SH3GL2: variants seen among roughly 807,000 people sequenced by gnomAD.
The protein encoded by SH3GL2 is endophilin-A1.
In SH3GL2, 24 loss-of-function variants were observed where a neutral mutation model predicts 46.0. The observed-to-expected ratio is 0.52, with a 90% CI of 0.38 to 0.73. SH3GL2 has a LOEUF of 0.73. SH3GL2 is among the 30% of genes least tolerant of loss of function. SH3GL2 has a pLI of 0.00. For missense variants in SH3GL2, 413 were observed against 424.2 expected, an observed-to-expected ratio of 0.97 and a Z score of 0.23; for synonymous variants, 196 against 147.1, an observed-to-expected ratio of 1.33 and a Z score of -2.40.
At chr9:17,739,475 A>G (rs539466181) in intron 1 of SH3GL2, among the ~76,000 whole-genome samples, 15 of 152,216 alleles carry the variant, frequency 9.9e-5, no homozygotes, top group African/African-American at 3.1e-4. Flanking sequence ...GCAGTGGACT[A>G]TGAAAATGTA....
intron 1 of SH3GL2, among the ~76,000 whole-genome samples, chr9:17,708,275 C>T (rs1321462780): frequency 2.0e-5 from 3 of 151,882 alleles, no homozygotes; most frequent in African/African-American, 7.3e-5. Flanking sequence ...CAGTCTCACT[C>T]GTATTTGTGT....
chr9:17,630,121 T>C (rs2134621927), intron 1 of SH3GL2, among the ~76,000 whole-genome samples: 1 of 152,340 alleles, frequency 6.6e-6, no homozygotes, highest in East Asian at 1.9e-4. Context: ...GCTTTGTTCA[T>C]GTTCTTAGAA....
chr9:17,584,317 G>GC (rs1339578393), intron 1 of SH3GL2, among the ~76,000 whole-genome samples: 1 of 152,086 alleles, frequency 6.6e-6, no homozygotes, highest in Non-Finnish European at 1.5e-5. Context: ...CTTTGCCAGT[G>GC]CAGTGAAACC....
At chr9:17,725,627 T>A (rs1453892202) in intron 1 of SH3GL2, among the ~76,000 whole-genome samples, 1 of 152,148 alleles carries the variant, frequency 6.6e-6, no homozygotes, top group Non-Finnish European at 1.5e-5. Flanking sequence ...GGCTCTGGTC[T>A]TTGTAGCCTG....
At chr9:17,583,231 C>T (rs1005559372) in intron 1 of SH3GL2, among the ~76,000 whole-genome samples, 1 of 152,186 alleles carries the variant, frequency 6.6e-6, no homozygotes, top group Admixed American at 6.5e-5. Context: ...TATACTTTCT[C>T]CTTTTTTAAT....
intron 2 of SH3GL2, among the ~76,000 whole-genome samples, chr9:17,749,691 G>C (rs1822790765): frequency 6.6e-6 from 1 of 152,186 alleles, no homozygotes; most frequent in South Asian, 2.1e-4. Flanking sequence ...GGAGAACTGA[G>C]TAGAATTTAT....
chr9:17,678,411 T>G (rs1452746831), intron 1 of SH3GL2, among the ~76,000 whole-genome samples: 1 of 152,170 alleles, frequency 6.6e-6, no homozygotes, highest in Non-Finnish European at 1.5e-5. Flanking sequence ...TTTCATGTGT[T>G]TTTTGGCTGC....
intron 1 of SH3GL2, among the ~76,000 whole-genome samples, chr9:17,602,886 A>G (rs1322004256): frequency 6.6e-6 from 1 of 152,228 alleles, no homozygotes; most frequent in Non-Finnish European, 1.5e-5. Context: ...AGAAAAATCC[A>G]TCTTAAATCC....
chr9:17,588,650 G>A (rs140806916), intron 1 of SH3GL2, among the ~76,000 whole-genome samples: 7 of 152,302 alleles, frequency 4.6e-5, no homozygotes, highest in African/African-American at 1.7e-4. Context: ...CTGAGAGGAA[G>A]GGAATTCTTC....
chr9:17,688,467 G>T (rs923131042), intron 1 of SH3GL2, among the ~76,000 whole-genome samples: 1 of 151,956 alleles, frequency 6.6e-6, no homozygotes. Context: ...ACGAAAATAA[G>T]ACCCAGTGTG....
chr9:17,742,253 C>A (rs1284345937), intron 1 of SH3GL2, among the ~76,000 whole-genome samples: 1 of 151,988 alleles, frequency 6.6e-6, no homozygotes, highest in East Asian at 1.9e-4. Flanking sequence ...CAGAGCCACC[C>A]CTAGAGGATG....
intron 1 of SH3GL2, among the ~76,000 whole-genome samples, chr9:17,653,618 G>T (rs540225147): frequency 1.3e-5 from 2 of 152,174 alleles, no homozygotes; most frequent in Non-Finnish European, 2.9e-5. Context: ...CCAAGTCCAA[G>T]TGCTGCCAAT....
intron 1 of SH3GL2, among the ~76,000 whole-genome samples, chr9:17,728,188 A>C (rs957546859): frequency 6.6e-6 from 1 of 152,148 alleles, no homozygotes; most frequent in Non-Finnish European, 1.5e-5. Context: ...TTCATTCTTT[A>C]GGAACCTGAC....
At chr9:17,691,743 A>G (rs1821084196) in intron 1 of SH3GL2, among the ~76,000 whole-genome samples, 2 of 152,180 alleles carry the variant, frequency 1.3e-5, no homozygotes, top group Admixed American at 6.5e-5. Flanking sequence ...ACTATTCACT[A>G]ACAATATAGA....
chr9:17,647,571 G>A (rs761845369), intron 1 of SH3GL2, among the ~76,000 whole-genome samples: 9 of 152,158 alleles, frequency 5.9e-5, no homozygotes, highest in African/African-American at 9.7e-5. Context: ...TCATCTGAAA[G>A]TGAGGATAAC....
chr9:17,588,954 T>A (rs1818429445), intron 1 of SH3GL2, among the ~76,000 whole-genome samples: 2 of 152,336 alleles, frequency 1.3e-5, no homozygotes, highest in African/African-American at 4.8e-5. Context: ...CCTAGCTATG[T>A]GCCCAGGATG....
chr9:17,624,226 C>T (rs935202008), intron 1 of SH3GL2, among the ~76,000 whole-genome samples: 1 of 152,128 alleles, frequency 6.6e-6, no homozygotes, highest in African/African-American at 2.4e-5. Context: ...CACCTTATGC[C>T]CATCGGTGGC....
chr9:17,664,829 A>C (rs146427939), intron 1 of SH3GL2, among the ~76,000 whole-genome samples: 8 of 151,822 alleles, frequency 5.3e-5, no homozygotes, highest in African/African-American at 1.4e-4. Flanking sequence ...AATTCACTCA[A>C]CTGTCCTAGA....
intron 1 of SH3GL2, among the ~76,000 whole-genome samples, chr9:17,624,632 G>T (rs1362215090): frequency 6.6e-6 from 1 of 152,106 alleles, no homozygotes; most frequent in East Asian, 1.9e-4. Context: ...TTGGCTAGTG[G>T]GGGCCCCTTC....
Sources: allele counts gnomAD v4.1 joint callset (sites outside exome capture counted in the v4.1 genomes callset), GRCh38; gene constraint gnomAD v4.1.1; transcripts MANE v1.5; gene names NCBI Gene and HGNC (gene_info 2026-07-23, HGNC 2026-07-21).